Variants in ARHGAP25 observed in about 807,000 individuals in gnomAD.
ARHGAP25 encodes rho GTPase-activating protein 25.
A neutral mutation model predicts 71.0 loss-of-function variants in ARHGAP25; 34 were observed. The observed-to-expected ratio is 0.48, with a 90% CI of 0.36 to 0.64. The LOEUF (loss-of-function observed/expected upper bound fraction) is 0.64. Among genes scored for constraint, ARHGAP25 ranks in the 30% least tolerant of loss-of-function variants. The pLI, the probability that ARHGAP25 is intolerant of heterozygous loss-of-function variation, is 0.00. For missense variants in ARHGAP25, 706 were observed against 805.1 expected (o/e 0.88, Z 1.49); for synonymous variants, 282 against 296.5 (o/e 0.95, Z 0.50).
chr2:68,790,657 CACT>C (rs921017737), intron 4 of ARHGAP25, among the ~76,000 whole-genome samples: 3 of 152,200 alleles, frequency 2.0e-5, no homozygotes, highest in African/African-American at 7.2e-5. Context: ...CCACCACCTT[CACT>C]ACTACCACCC....
At chr2:68,794,250 T>C (rs1440902496) in intron 4 of ARHGAP25, among the ~76,000 whole-genome samples, 1 of 152,180 alleles carries the variant, frequency 6.6e-6, no homozygotes, top group East Asian at 1.9e-4. Flanking sequence ...CCAATTTGGA[T>C]ACCACTTATT....
intron 2 of ARHGAP25, among the ~76,000 whole-genome samples, chr2:68,723,367 A>T (rs777228314): frequency 1.3e-5 from 2 of 152,174 alleles, no homozygotes; most frequent in African/African-American, 2.4e-5. Flanking sequence ...TCCTGGTGGG[A>T]TGCAGCCCAG....
intron 2 of ARHGAP25, among the ~76,000 whole-genome samples, chr2:68,713,775 T>C (rs1027866985): frequency 4.6e-5 from 7 of 152,218 alleles, no homozygotes; most frequent in African/African-American, 1.4e-4. Context: ...TTGTCATTGG[T>C]TCTGTTTAAG....
intron 1 of ARHGAP25, among the ~76,000 whole-genome samples, chr2:68,766,464 G>C (rs1175320095): frequency 6.6e-6 from 1 of 152,162 alleles, no homozygotes; most frequent in Non-Finnish European, 1.5e-5. Context: ...GACAGGCGGA[G>C]AGGGCTGGGT....
intron 9 of ARHGAP25, among the ~76,000 whole-genome samples, chr2:68,821,096 T>TTC (rs1265297721): frequency 7.4e-6 from 1 of 135,744 alleles, no homozygotes; most frequent in Admixed American, 7.3e-5. Flanking sequence ...TTCTTTCTTT[T>TTC]TTTTTTTTTT....
chr2:68,778,626 T>C (rs956859113), intron 2 of ARHGAP25, among the ~76,000 whole-genome samples: 7 of 152,196 alleles, frequency 4.6e-5, no homozygotes, highest in Non-Finnish European at 8.8e-5. Context: ...TGATGATGTG[T>C]GTGTTGGTTG....
chr2:68,787,755 A>G (rs1678857882), intron 3 of ARHGAP25, 85 bp from the exon 4 acceptor site: 2 of 1,054,206 alleles, frequency 1.9e-6, no homozygotes, highest in Non-Finnish European at 1.5e-6. Flanking sequence ...CCAAGACATC[A>G]ATTTAGGTCT....
intron 5 of ARHGAP25, among the ~76,000 whole-genome samples, chr2:68,808,264 A>G (rs1680524714): frequency 6.6e-6 from 1 of 152,216 alleles, no homozygotes; most frequent in East Asian, 1.9e-4. Context: ...TTAGCAGCCC[A>G]TAAACCAAGG....
intron 2 of ARHGAP25, among the ~76,000 whole-genome samples, chr2:68,727,758 T>A (rs1253095931): frequency 1.3e-5 from 2 of 152,248 alleles, no homozygotes; most frequent in African/African-American, 4.8e-5. Context: ...AGGCATTGTT[T>A]TAAATCCCTG....
intron 6 of ARHGAP25, 124 bp from the exon 7 acceptor site, chr2:68,816,165 C>G (rs1409638167): frequency 4.9e-6 from 4 of 812,072 alleles, no homozygotes; most frequent in South Asian, 2.8e-5. Context: ...ACTACAGGAA[C>G]AGGAATGACT....
At position 68,804,412 on chromosome 2, in the gene ARHGAP25, A is replaced by G. The variant is rs965054488; in HGVS notation, c.467-2861A>G. Among the ~76,000 whole-genome samples the G allele has an allele frequency of 3.3e-5, 5 of 152,188 alleles. No individual in the cohort carries two copies. The South Asian group carries it at 6.2e-4, about 19-fold the overall frequency. On this transcript the variant is annotated intron_variant, in intron 4 of 10. Transcript: ENST00000409202. ...CTCAAAAGAGAATTTTCCTGATGCT[A>G]TCTGGTCTGTTTTAAGTCGGAATAT...
intron 2 of ARHGAP25, among the ~76,000 whole-genome samples, chr2:68,710,920 A>G (rs1674465572): frequency 1.3e-5 from 2 of 152,126 alleles, no homozygotes; most frequent in South Asian, 4.1e-4. Context: ...TCTCTGCTAC[A>G]TCTCTCTAGT....
intron 2 of ARHGAP25, among the ~76,000 whole-genome samples, chr2:68,725,124 C>A (rs946364898): frequency 1.3e-5 from 2 of 152,160 alleles, no homozygotes; most frequent in Non-Finnish European, 2.9e-5. Context: ...CCCACCTATC[C>A]ATGAGGCTGG....
intron 1 of ARHGAP25, among the ~76,000 whole-genome samples, chr2:68,749,364 C>T (rs553451215): frequency 6.6e-6 from 1 of 152,182 alleles, no homozygotes; most frequent in Non-Finnish European, 1.5e-5. Flanking sequence ...TGAGCCATCC[C>T]TTGGCCTCAT....
intron 2 of ARHGAP25, among the ~76,000 whole-genome samples, chr2:68,720,936 T>C (rs1286140446): frequency 6.6e-6 from 1 of 152,138 alleles, no homozygotes; most frequent in Non-Finnish European, 1.5e-5. Context: ...CTGAAATCCA[T>C]CTGTACTCAC....
chr2:68,778,270 A>G lies in ARHGAP25; in HGVS notation c.261+2850A>G, dbSNP rs538360715. Among the ~76,000 whole-genome samples, 3 of 152,298 alleles carry G rather than the reference A, an allele frequency of 2.0e-5. No homozygotes were observed. The South Asian group carries it at 6.2e-4, about 32-fold the overall frequency. On this transcript the variant is annotated intron_variant, in intron 2 of 10. Coordinates refer to ENST00000409202, the MANE Select transcript of ARHGAP25 (RefSeq NM_001007231.3). ...TCAGACATTGATGCTCCTAATTAAT[A>G]CTTTTTGAAATGGAAAAATGTCCAT...
chr2:68,783,551 C>G (rs1185218102), intron 3 of ARHGAP25, among the ~76,000 whole-genome samples: 1 of 151,858 alleles, frequency 6.6e-6, no homozygotes, highest in Non-Finnish European at 1.5e-5. Flanking sequence ...CAGCCTCTGC[C>G]TCCCCAGTTC....
At chr2:68,803,350 T>C (rs1194288884) in intron 4 of ARHGAP25, among the ~76,000 whole-genome samples, 2 of 152,170 alleles carry the variant, frequency 1.3e-5, no homozygotes, top group Admixed American at 6.5e-5. Flanking sequence ...GAATGAACAT[T>C]AGGAGAGCAC....
intron 2 of ARHGAP25, among the ~76,000 whole-genome samples, chr2:68,717,274 G>A (rs977730454): frequency 3.9e-5 from 6 of 152,166 alleles, no homozygotes; most frequent in African/African-American, 1.4e-4. Context: ...TATGGGATCT[G>A]TCATCAACAG....
Sources: allele counts gnomAD v4.1 joint callset (sites outside exome capture counted in the v4.1 genomes callset), GRCh38; gene constraint gnomAD v4.1.1; transcripts MANE v1.5; gene names NCBI Gene and HGNC (gene_info 2026-07-23, HGNC 2026-07-21).